The following CAMSAP3 variants were observed in gnomAD, a reference collection of about 807,000 sequenced individuals.
The protein encoded by CAMSAP3 is calmodulin-regulated spectrin-associated protein 3.
CAMSAP3 carries 34 observed loss-of-function variants against 112.5 expected under a neutral mutation model. The ratio of observed to expected loss-of-function variants is 0.30; its 90% confidence interval spans 0.23 to 0.40. The LOEUF is 0.40. Among genes scored for constraint, CAMSAP3 ranks in the 10% least tolerant of loss-of-function variants. CAMSAP3 has a pLI of 1.00. For missense variants in CAMSAP3, 1,602 were observed against 1,770.3 expected (o/e 0.90, Z 1.71); for synonymous variants, 868 against 799.8 (o/e 1.09, Z -1.44).
chr19:7,617,724 G>A lies in CAMSAP3; in HGVS notation c.3445-28G>A. 1.9e-6 allele frequency: 3 copies of A among 1,612,346 alleles called. No homozygotes were observed. The highest frequency in any genetic ancestry group is 2.5e-6 in the Non-Finnish European group (3 of 1,178,722). ...GTGGGTGGGTGGCCTGACTTGGCCAGCTGACCATTTCCAGCACTCCTGCCC... is the reference window on the plus strand; with the variant it reads ...GTGGGTGGGTGGCCTGACTTGGCCAACTGACCATTTCCAGCACTCCTGCCC... On this transcript the variant is annotated intron_variant, in intron 16 of 16. Transcript: ENST00000160298. The surrounding 1 kb of genome is among the most constrained non-coding windows in gnomAD (Gnocchi z 7.5).
Position 7,611,661 on chromosome 19 carries a change from G to A in CAMSAP3, c.1194-26G>A. ...GTTGGGGCCGAGGCTGGTCCCAGGG[G>A]CTGACCCCTCCCTCCGGCCGCCCAG... On this transcript the variant is annotated intron_variant, in intron 10 of 16. Coordinates refer to ENST00000160298, the MANE Select transcript of CAMSAP3 (RefSeq NM_020902.2). The surrounding 1 kb of genome is among the most constrained non-coding windows in gnomAD (Gnocchi z 6.9). The A allele has an allele frequency of 1.3e-6, 2 of 1,573,712 alleles. No individual in the cohort carries two copies. Among genetic ancestry groups the A allele is most frequent in the Non-Finnish European group, 1.7e-6 (2 of 1,156,552 alleles).
chr19:7,616,948 T>TTG (rs1555763677), intron 14 of CAMSAP3, among the ~76,000 whole-genome samples: 4 of 113,392 alleles, frequency 3.5e-5, no homozygotes, highest in Non-Finnish European at 6.4e-5. Context: ...TTTTTTTTTT[T>TTG]TTTTTTTTTT....
intron 1 of CAMSAP3, among the ~76,000 whole-genome samples, chr19:7,598,520 C>T (rs2029861578): frequency 1.3e-5 from 2 of 152,090 alleles, no homozygotes; most frequent in South Asian, 4.1e-4. Flanking sequence ...AACTCCAAGG[C>T]ACAGGTGTGA....
chr19:7,612,826 C>G lies in CAMSAP3; in HGVS notation c.2333C>G (p.Pro778Arg), dbSNP rs2030576076. The G allele has an allele frequency of 1.3e-6, 2 of 1,565,734 alleles. No homozygotes were observed. The highest frequency in any genetic ancestry group is 2.8e-5 in the African/African-American group (2 of 72,694). Residue 778 changes from proline to arginine, a missense_variant, in exon 11 of 17, where the codon CCC becomes CGC. Physicochemically the swap from Pro to Arg is moderately radical, Grantham distance 103. Transcript: ENST00000160298. ...RSPGPGPSQS[P>R]RSPKHTRPAE... ...CCTGGGCCCGGGCCCAGCCAGTCAC[C>G]CCGCAGCCCGAAACACACGCGGCCA...
At chr19:7,606,922 T>C (rs1174535469) in intron 4 of CAMSAP3, 19 of 1,175,614 alleles carry the variant, frequency 1.6e-5, no homozygotes, top group Non-Finnish European at 2.4e-5. Flanking sequence ...CCCCAAGCTG[T>C]GAGCAAAGGA....
In CAMSAP3 at chr19:7,612,295, G is replaced by A. The variant is rs761356344; in HGVS notation, c.1802G>A (p.Ser601Asn). 11 of 1,603,992 alleles carry A rather than the reference G, an allele frequency of 6.9e-6. No homozygotes were observed. The highest frequency in any genetic ancestry group is 8.5e-6 in the Non-Finnish European group (10 of 1,176,328). The change falls in exon 11 of 17, where the codon AGT becomes AAT. Residue 601 changes from serine (S) to asparagine (N), a missense_variant. Coordinates refer to ENST00000160298, the MANE Select transcript of CAMSAP3 (RefSeq NM_020902.2). ...APPEALSSEMSELSARLEEKR... is the reference protein window; with the variant it reads ...APPEALSSEMNELSARLEEKR... Reference sequence around the variant, plus strand: ...CCGGAGGCCCTGAGCTCGGAGATGAGTGAGCTCAGCGCCCGGCTGGAGGAG... The same window carrying A: ...CCGGAGGCCCTGAGCTCGGAGATGAATGAGCTCAGCGCCCGGCTGGAGGAG...
chr19:7,616,695 T>A, intron 14 of CAMSAP3, 73 bp downstream of exon 14: 1 of 1,099,472 alleles, frequency 9.1e-7, no homozygotes, highest in Non-Finnish European at 1.4e-6. Context: ...TGTGGGCATC[T>A]GGGTGAACCT....
chr19:7,603,200 C>CT (rs199963618), intron 1 of CAMSAP3, among the ~76,000 whole-genome samples: 2,301 of 149,608 alleles, frequency 0.015, 54 homozygotes, highest in African/African-American at 0.053. Flanking sequence ...TCTTTCTTTT[C>CT]TTTTTTTTTC....
At chr19:7,606,213 G>GC in intron 2 of CAMSAP3, 58 bp from the exon 3 acceptor site, 1 of 1,598,986 alleles carries the variant, frequency 6.3e-7, no homozygotes, top group African/African-American at 1.3e-5. Flanking sequence ...GGCCCTTGGG[G>GC]GCCGAGGTGC....
Position 7,611,719 on chromosome 19 carries a change from C to G in CAMSAP3, c.1226C>G (p.Thr409Ser). Residue 409 changes from threonine (T) to serine (S), a missense_variant, in exon 11 of 17, where the codon ACC becomes AGC. Physicochemically the swap from Thr to Ser is moderately conservative, Grantham distance 58 (BLOSUM62 1). This residue lies in a region of CAMSAP3 where 1,100 missense variants were observed against 1,135.7 expected (regional missense o/e 0.97). Transcript: ENST00000160298. The surrounding 1 kb of genome is among the most constrained non-coding windows in gnomAD (Gnocchi z 6.9). ...RPLSQAVSFS[T>S]PFGLDSDVDV... ...CTCTCCCAGGCTGTGTCATTCAGCA[C>G]CCCCTTTGGCCTGGACAGCGACGTG... is the stretch of plus-strand genomic sequence containing the variant. 1.3e-6 allele frequency: 2 copies of G among 1,557,210 alleles called. No homozygotes were observed. Among genetic ancestry groups the G allele is most frequent in the Non-Finnish European group, 1.7e-6 (2 of 1,149,240 alleles).
At chr19:7,598,097 G>A (rs1400855814) in intron 1 of CAMSAP3, among the ~76,000 whole-genome samples, 1 of 152,112 alleles carries the variant, frequency 6.6e-6, no homozygotes, top group Non-Finnish European at 1.5e-5. Context: ...AGACGGCAGG[G>A]GATGGATATG....
intron 1 of CAMSAP3, among the ~76,000 whole-genome samples, chr19:7,604,773 T>C (rs1276853087): frequency 3.9e-5 from 6 of 152,156 alleles, no homozygotes; most frequent in Non-Finnish European, 7.3e-5. Context: ...CTCTGTAACA[T>C]GGGGGTTGCC....
At position 7,612,055 on chromosome 19, in the gene CAMSAP3, C is replaced by T. The variant is rs768003137; in HGVS notation, c.1562C>T (p.Pro521Leu). Residue 521 changes from proline to leucine, a missense_variant, in exon 11 of 17, where the codon CCA becomes CTA. By Grantham distance (98) the Pro-to-Leu change is moderately conservative. Transcript: ENST00000160298. ...CCCACCAAAGCACCAGTGTACATGCCACACCCCGAGACCCCCTCGAAACCA... is the reference window on the plus strand; with the variant it reads ...CCCACCAAAGCACCAGTGTACATGCTACACCCCGAGACCCCCTCGAAACCA... ...DRPTKAPVYM[P>L]HPETPSKPSP... is the part of the protein sequence containing the mutation. 6.2e-7 allele frequency: 1 copy of T among 1,611,720 alleles called. No individual in the cohort carries two copies. The highest frequency in any genetic ancestry group is 1.3e-5 in the African/African-American group (1 of 74,930).
intron 2 of CAMSAP3, among the ~76,000 whole-genome samples, chr19:7,605,958 C>T (rs1280997599): frequency 6.6e-6 from 1 of 152,106 alleles, no homozygotes; most frequent in East Asian, 1.9e-4. Flanking sequence ...CAAGCCTGGC[C>T]CCTCCCATCA....
chr19:7,598,667 A>G (rs373294738), intron 1 of CAMSAP3, among the ~76,000 whole-genome samples: 1 of 152,328 alleles, frequency 6.6e-6, no homozygotes, highest in East Asian at 1.9e-4. Flanking sequence ...ACACGTCTGT[A>G]GTCCCAGCTA....
intron 1 of CAMSAP3, among the ~76,000 whole-genome samples, chr19:7,603,857 G>A (rs1272957793): frequency 6.6e-6 from 1 of 152,092 alleles, no homozygotes. Flanking sequence ...TGTGCAGGCT[G>A]GGCGTGGTGG....
chr19:7,617,418 C>T lies in CAMSAP3; in HGVS notation c.3305C>T (p.Ala1102Val), dbSNP rs559448820. 14 of 1,613,994 alleles carry T rather than the reference C, an allele frequency of 8.7e-6. No homozygotes were observed. The South Asian group carries it at 8.8e-5, about 10-fold the overall frequency. The part of the protein sequence containing the change: ...WENGSNASSP[A>V]SVPEYTGPRL... ...AATGGCAGCAATGCCTCCTCCCCAG[C>T]GTCAGTGCCCGAGTACACAGGTAAG... Residue 1102 changes from alanine to valine, a missense_variant, in exon 15 of 17, where the codon GCG (alanine) becomes GTG (valine). Ala to Val is a moderately conservative substitution (Grantham distance 64, BLOSUM62 0). Transcript: ENST00000160298. The surrounding 1 kb of genome is among the most constrained non-coding windows in gnomAD (Gnocchi z 7.5).
chr19:7,614,571 C>T (rs1328181977), intron 11 of CAMSAP3: 1 of 152,508 alleles, frequency 6.6e-6, no homozygotes, highest in Non-Finnish European at 1.5e-5. Flanking sequence ...CCCCTGACCT[C>T]AAGTGATCCA....
In CAMSAP3 at chr19:7,606,503, G is replaced by A. The variant is rs766458118; in HGVS notation, c.553G>A (p.Glu185Lys). 7.0e-6 allele frequency: 11 copies of A among 1,568,562 alleles called. No individual in the cohort carries two copies. In the East Asian group the frequency reaches 7.0e-5, roughly 10 times the overall value. Residue 185 changes from glutamate (E) to lysine (K), a missense_variant, in exon 4 of 17, where the codon GAG becomes AAG. By Grantham distance (56) the Glu-to-Lys change is moderately conservative. Transcript: ENST00000160298. ...TTVRRLQEKT[E>K]QEAAQRASPA... Reference sequence around the variant, plus strand: ...CGTCCGGCGGCTGCAGGAGAAGACCGAGCAGGAAGCGGCCCAGCGAGCCTC... The same window carrying A: ...CGTCCGGCGGCTGCAGGAGAAGACCAAGCAGGAAGCGGCCCAGCGAGCCTC...
Sources: allele counts gnomAD v4.1 joint callset (sites outside exome capture counted in the v4.1 genomes callset), GRCh38; gene constraint gnomAD v4.1.1; regional missense constraint gnomAD v4.1.1; non-coding constraint Gnocchi (gnomAD v3.1); transcripts MANE v1.5; gene names NCBI Gene and HGNC (gene_info 2026-07-23, HGNC 2026-07-21).